The following CCDC150 variants were observed in gnomAD, a reference collection of about 807,000 sequenced individuals.
The protein encoded by CCDC150 is coiled-coil domain-containing protein 150.
Under a neutral mutation model 156.5 loss-of-function variants are expected in CCDC150, and 151 were observed. The observed-to-expected ratio is 0.97, with a 90% CI of 0.85 to 1.10. The LOEUF (loss-of-function observed/expected upper bound fraction) is 1.10. Among genes scored for constraint, CCDC150 ranks in the 50% least tolerant of loss-of-function variants. The pLI is 0.00. For synonymous variants in CCDC150, 452 were observed against 429.4 expected (o/e 1.05, Z -0.65); for missense variants, 1,312 against 1,268.1 (o/e 1.03, Z -0.53).
chr2:196,673,943 A>G (rs1201037263), intron 9 of CCDC150, among the ~76,000 whole-genome samples: 2 of 152,184 alleles, frequency 1.3e-5, no homozygotes, highest in Non-Finnish European at 2.9e-5. Context: ...CATTTTGCAG[A>G]TGTCTTGCTC....
Position 196,654,884 on chromosome 2 carries a change from T to C in CCDC150, c.177-1749T>C, listed in dbSNP as rs376210986. On this transcript the variant is annotated intron_variant, in intron 2 of 27. Coordinates refer to ENST00000389175, the MANE Select transcript of CCDC150 (RefSeq NM_001080539.2). Reference sequence around the variant, plus strand: ...GCCCTCATGTAGGAGATCTTACCAATTCGTACAGCCAGAAATTATAATGTA... The same window carrying C: ...GCCCTCATGTAGGAGATCTTACCAACTCGTACAGCCAGAAATTATAATGTA... 1.2e-3 allele frequency among the ~76,000 whole-genome samples: 187 copies of C among 152,326 alleles called. 1 individual carries two copies. In the South Asian group the frequency reaches 0.017, roughly 14 times the overall value.
chr2:196,665,712 T>G, intron 6 of CCDC150, 29 bp downstream of exon 6: 412 of 1,383,824 alleles, frequency 3.0e-4, no homozygotes, highest in Non-Finnish European at 3.7e-4. Flanking sequence ...CTTATGTGGT[T>G]TGGGAAATGA....
intron 13 of CCDC150, among the ~76,000 whole-genome samples, chr2:196,688,868 A>G (rs1483421098): frequency 1.3e-5 from 2 of 151,452 alleles, no homozygotes; most frequent in Non-Finnish European, 2.9e-5. Context: ...TAGGGTTTTT[A>G]TGGTTTTAGG....
chr2:196,669,608 C>T (rs1694072617), intron 7 of CCDC150, among the ~76,000 whole-genome samples: 1 of 152,168 alleles, frequency 6.6e-6, no homozygotes, highest in Admixed American at 6.5e-5. Flanking sequence ...TCATGCCCCT[C>T]CTCAGCTTAA....
intron 17 of CCDC150, among the ~76,000 whole-genome samples, 191 bp downstream of exon 17, chr2:196,712,930 G>A (rs1697234797): frequency 6.6e-6 from 1 of 152,164 alleles, no homozygotes; most frequent in Non-Finnish European, 1.5e-5. Context: ...TACAAATTTA[G>A]CACTCATATC....
At chr2:196,641,372 G>A (rs1027993901) in intron 1 of CCDC150, among the ~76,000 whole-genome samples, 1 of 151,984 alleles carries the variant, frequency 6.6e-6, no homozygotes, top group African/African-American at 2.4e-5. Context: ...TATTATGTGC[G>A]GACTCATCAG....
intron 19 of CCDC150, 110 bp downstream of exon 19, chr2:196,719,776 AT>A: frequency 1.5e-6 from 1 of 667,908 alleles, no homozygotes; most frequent in Non-Finnish European, 2.2e-6. Flanking sequence ...AAAAAAAAAA[AT>A]TGCAAAATGA....
intron 15 of CCDC150, among the ~76,000 whole-genome samples, chr2:196,707,714 T>C (rs1696766260): frequency 1.3e-5 from 2 of 152,242 alleles, no homozygotes; most frequent in Non-Finnish European, 2.9e-5. Flanking sequence ...ATTGTGTCTT[T>C]GCTCTCATTG....
rs1343460018 is a variant in CCDC150, at chr2:196,721,552, G to A, written c.2290G>A (p.Ala764Thr). 4 of 1,607,274 alleles carry A rather than the reference G, an allele frequency of 2.5e-6. No individual in the cohort carries two copies. In the South Asian group the frequency reaches 3.4e-5, roughly 14 times the overall value. Residue 764 changes from alanine to threonine, a missense_variant, in exon 21 of 28, where the codon GCT becomes ACT. Coordinates refer to ENST00000389175, the MANE Select transcript of CCDC150 (RefSeq NM_001080539.2). ...IESLQKALGVAREDNRKLAMS... is the reference protein window; with the variant it reads ...IESLQKALGVTREDNRKLAMS... ...ATCTCTACAAAAAGCTCTAGGTGTAGCTAGAGAAGACAACAGGAAACTTGC... is the reference window on the plus strand; with the variant it reads ...ATCTCTACAAAAAGCTCTAGGTGTAACTAGAGAAGACAACAGGAAACTTGC...
chr2:196,639,939 T>A (rs1692112198), intron 1 of CCDC150, among the ~76,000 whole-genome samples, 161 bp downstream of exon 1: 1 of 152,186 alleles, frequency 6.6e-6, no homozygotes, highest in Non-Finnish European at 1.5e-5. Flanking sequence ...CGCTTTGGCG[T>A]TGGCTGCCGG....
chr2:196,690,231 G>A (rs532731378), intron 13 of CCDC150, among the ~76,000 whole-genome samples: 64 of 152,000 alleles, frequency 4.2e-4, no homozygotes, highest in Non-Finnish European at 7.4e-4. Context: ...GTTGTGGGGA[G>A]GCGGGAGGGA....
Position 196,674,365 on chromosome 2 carries a change from A to G in CCDC150, c.1137+17A>G. 1.3e-6 allele frequency: 2 copies of G among 1,526,250 alleles called. No homozygotes were observed. Among genetic ancestry groups the G allele is most frequent in the Non-Finnish European group, 1.8e-6 (2 of 1,115,870 alleles). 94.5% of individuals were successfully genotyped at this position (1,526,250 alleles called of 1,614,324 possible). A position where few individuals can be genotyped will look rare whatever the true frequency, so the allele number is the denominator to read the frequency against. ...ATTCTGCAGGTATTCGTTTAACATG[A>G]AAGCCAACCAGAAAGCCAGCCTGGT... On this transcript the variant is annotated intron_variant, in intron 10 of 27. Coordinates refer to ENST00000389175, the MANE Select transcript of CCDC150 (RefSeq NM_001080539.2).
chr2:196,713,356 G>A (rs1295593582), intron 17 of CCDC150: 14 of 1,453,978 alleles, frequency 9.6e-6, no homozygotes, highest in East Asian at 5.1e-5. Context: ...AATAATTGAC[G>A]ATGCCTCTAA....
At chr2:196,645,041 T>A (rs1692453513) in intron 1 of CCDC150, among the ~76,000 whole-genome samples, 1 of 152,052 alleles carries the variant, frequency 6.6e-6, no homozygotes, top group African/African-American at 2.4e-5. Context: ...GGAGGATTGC[T>A]TGAACTTAGG....
At chr2:196,728,473 C>T (rs1698338389) in intron 22 of CCDC150, among the ~76,000 whole-genome samples, 1 of 152,186 alleles carries the variant, frequency 6.6e-6, no homozygotes. Context: ...ACTACCTCCT[C>T]TTCCTAAAGT....
Position 196,721,618 on chromosome 2 carries a change from CA to C in CCDC150, c.2359del (p.Thr787GlnfsTer3). 1 of 1,606,736 alleles carries C rather than the reference CA, an allele frequency of 6.2e-7. No individual in the cohort carries two copies. The highest frequency in any genetic ancestry group is 8.5e-7 in the Non-Finnish European group (1 of 1,176,760). ...EQALQTNNHL[Q>X]TKLDHIQEQL... ...AGCTCTCCAGACAAATAATCATCTG[CA>C]AACAAAGCTAGATCACATTCAAGAG... On this transcript the variant is annotated frameshift_variant, in exon 21 of 28. Transcript: ENST00000389175. LOFTEE classifies it high-confidence loss of function.
Position 196,673,955 on chromosome 2 carries a change from A to G in CCDC150, c.1030-286A>G, listed in dbSNP as rs559076644. On this transcript the variant is annotated intron_variant, in intron 9 of 27. Coordinates refer to ENST00000389175, the MANE Select transcript of CCDC150 (RefSeq NM_001080539.2). ...TTCCATTTTGCAGATGTCTTGCTCT[A>G]ATGAACCAGTGTTCAAATTTGTGAA... Among the ~76,000 whole-genome samples the G allele has an allele frequency of 7.9e-5, 12 of 152,272 alleles. No homozygotes were observed. The South Asian group carries it at 1.7e-3, about 21-fold the overall frequency.
chr2:196,687,931 G>A (rs1695212803), intron 13 of CCDC150, among the ~76,000 whole-genome samples: 1 of 152,010 alleles, frequency 6.6e-6, no homozygotes, highest in South Asian at 2.1e-4. Flanking sequence ...TTATTTCTGG[G>A]TTCTCTATTC....
chr2:196,720,043 C>A, intron 19 of CCDC150: 1 of 323,294 alleles, frequency 3.1e-6, no homozygotes, highest in Non-Finnish European at 6.3e-6. Flanking sequence ...ATTAATTATC[C>A]ATTTATTACT....
Sources: gnomAD v4.1 joint callset for allele counts (sites outside exome capture counted in the v4.1 genomes callset) on GRCh38, gnomAD v4.1.1 for gene constraint, MANE v1.5 for transcripts, NCBI Gene and HGNC (gene_info 2026-07-23, HGNC 2026-07-21) for gene names.